Variants in SPATS2L observed in about 807,000 individuals in gnomAD.
The protein encoded by SPATS2L is SPATS2-like protein.
Under a neutral mutation model 59.6 loss-of-function variants are expected in SPATS2L, and 30 were observed. That is an observed-to-expected ratio of 0.50 (90% CI 0.38 to 0.68). The LOEUF is 0.68. Ranked by LOEUF, SPATS2L falls within the 30% of genes least tolerant of loss-of-function variation. The probability of loss-of-function intolerance (pLI) is 0.00; values close to 1 mark genes in which losing one functional copy is unlikely to be tolerated. For missense variants in SPATS2L, 615 were observed against 700.0 expected (o/e 0.88, Z 1.37); for synonymous variants, 252 against 263.5 (o/e 0.96, Z 0.42).
chr2:200,318,138 T>A (rs1410062061), intron 1 of SPATS2L, among the ~76,000 whole-genome samples: 1 of 152,244 alleles, frequency 6.6e-6, no homozygotes, highest in African/African-American at 2.4e-5. Context: ...TCTCACATAC[T>A]GCCCTGATCG....
At chr2:200,400,724 A>G (rs1036635898) in intron 3 of SPATS2L, among the ~76,000 whole-genome samples, 4 of 152,228 alleles carry the variant, frequency 2.6e-5, no homozygotes, top group Non-Finnish European at 5.9e-5. Context: ...CTTACTCTAT[A>G]AGTCATCAGC....
At chr2:200,381,804 G>T (rs374573910) in intron 2 of SPATS2L, among the ~76,000 whole-genome samples, 3 of 152,094 alleles carry the variant, frequency 2.0e-5, no homozygotes, top group African/African-American at 7.2e-5. Flanking sequence ...TAGGATCTAC[G>T]TGATCATAGT....
chr2:200,412,232 C>G, intron 3 of SPATS2L, 79 bp from the exon 4 acceptor site: 1 of 824,420 alleles, frequency 1.2e-6, no homozygotes, highest in Non-Finnish European at 1.8e-6. Flanking sequence ...AGTTGTAATT[C>G]TATCCAGTGG....
intron 3 of SPATS2L, among the ~76,000 whole-genome samples, chr2:200,410,922 C>G (rs1159414272): frequency 6.6e-6 from 1 of 151,498 alleles, no homozygotes; most frequent in African/African-American, 2.4e-5. Flanking sequence ...GATTTGAAGA[C>G]GTTAATTTGT....
At chr2:200,396,067 T>TATATA (rs1491208283) in intron 3 of SPATS2L, among the ~76,000 whole-genome samples, 4 of 27,264 alleles carry the variant, frequency 1.5e-4, no homozygotes, top group African/African-American at 2.2e-4. Flanking sequence ...TATATATATA[T>TATATA]TTTCCCATAG....
chr2:200,403,704 A>G (rs900208853), intron 3 of SPATS2L, among the ~76,000 whole-genome samples: 44 of 152,288 alleles, frequency 2.9e-4, no homozygotes, highest in African/African-American at 9.4e-4. Context: ...GTTTGTAACT[A>G]TGGATGATTG....
In SPATS2L at chr2:200,414,585, GCAC is replaced by G. The variant is rs781744910; in HGVS notation, c.149-1790_149-1788del. On this transcript the variant is annotated intron_variant, in intron 4 of 12. Transcript: ENST00000409140. Reference sequence around the variant, plus strand: ...GTCGAGGCTGCAGTGAGCCATGTTTGCACCACTGCACTCCAGCCTGGGCAACAG... The same window carrying G: ...GTCGAGGCTGCAGTGAGCCATGTTTGCACTGCACTCCAGCCTGGGCAACAG... Among the ~76,000 whole-genome samples, 169 of 151,844 alleles carry G rather than the reference GCAC, an allele frequency of 1.1e-3. 1 individual carries two copies. The highest frequency in any genetic ancestry group is 0.011 in the Admixed American group (167 of 15,240).
chr2:200,478,487 A>G lies in SPATS2L; in HGVS notation c.*456A>G, dbSNP rs950856951. ...TGTTTTTCTGAAAAAATATATATAC[A>G]TATATTGCTTTATTTGAAACAAATT... On this transcript the variant is annotated 3_prime_UTR_variant, in exon 13 of 13. Coordinates refer to ENST00000409140, the MANE Select transcript of SPATS2L (RefSeq NM_001100423.2). 1 of 153,002 alleles carries G rather than the reference A, an allele frequency of 6.5e-6. No individual in the cohort carries two copies. Among genetic ancestry groups the G allele is most frequent in the Non-Finnish European group, 1.5e-5 (1 of 68,346 alleles). The allele number at this position is 153,002 out of a possible 1,614,324, so 9.5% of individuals were successfully genotyped here. A position where few individuals can be genotyped will look rare whatever the true frequency, so the allele number is the denominator to read the frequency against.
At position 200,477,757 on chromosome 2, in the gene SPATS2L, G is replaced by A. The variant is rs567244924; in HGVS notation, c.1403G>A (p.Arg468His). 9 of 1,580,854 alleles carry A rather than the reference G, an allele frequency of 5.7e-6. No homozygotes were observed. Among genetic ancestry groups the A allele is most frequent in the African/African-American group, 4.0e-5 (3 of 74,184 alleles). The change falls in exon 13 of 13, where the codon CGC (arginine) becomes CAC (histidine). Residue 468 changes from arginine (R) to histidine (H), a missense_variant. By Grantham distance (29) the Arg-to-His change is conservative. Coordinates refer to ENST00000409140, the MANE Select transcript of SPATS2L (RefSeq NM_001100423.2). Reference sequence around the variant, plus strand: ...GAGCCACTGGGAAAGGGCAACAGCCGCCACGAACACAGAAGACAGCCGCAC... The same window carrying A: ...GAGCCACTGGGAAAGGGCAACAGCCACCACGAACACAGAAGACAGCCGCAC... Reference protein sequence around the residue: ...EAEPLGKGNSRHEHRRQPHNG... With the variant: ...EAEPLGKGNSHHEHRRQPHNG...
chr2:200,441,474 A>G (rs527765198), intron 8 of SPATS2L, among the ~76,000 whole-genome samples: 7 of 152,118 alleles, frequency 4.6e-5, no homozygotes, highest in Non-Finnish European at 8.8e-5. Context: ...TAAAGACAAA[A>G]GAGAATTTAT....
intron 2 of SPATS2L, among the ~76,000 whole-genome samples, chr2:200,365,961 T>C (rs1451350050): frequency 6.6e-6 from 1 of 152,228 alleles, no homozygotes; most frequent in Non-Finnish European, 1.5e-5. Context: ...TAAAATTTTC[T>C]TGAATGAGTA....
intron 3 of SPATS2L, among the ~76,000 whole-genome samples, chr2:200,404,878 G>A (rs1014593150): frequency 7.2e-5 from 11 of 152,052 alleles, no homozygotes; most frequent in African/African-American, 1.2e-4. Context: ...CGGAGAGGCT[G>A]GCCAAGCCTT....
chr2:200,343,341 T>C (rs1405169781), intron 2 of SPATS2L, among the ~76,000 whole-genome samples: 1 of 152,172 alleles, frequency 6.6e-6, no homozygotes, highest in Non-Finnish European at 1.5e-5. Context: ...TAATATAAAA[T>C]CACCTAATCG....
intron 1 of SPATS2L, among the ~76,000 whole-genome samples, chr2:200,309,969 T>C (rs1216270799): frequency 6.6e-6 from 1 of 152,226 alleles, no homozygotes; most frequent in Non-Finnish European, 1.5e-5. Flanking sequence ...CTTATGAAGA[T>C]ATATTTCTCT....
chr2:200,470,874 C>T (rs1338483803), intron 11 of SPATS2L, among the ~76,000 whole-genome samples: 1 of 152,094 alleles, frequency 6.6e-6, no homozygotes, highest in Non-Finnish European at 1.5e-5. Context: ...ATAGATGTCA[C>T]CGGTCTTCTG....
intron 3 of SPATS2L, among the ~76,000 whole-genome samples, chr2:200,392,591 A>G (rs919703921): frequency 2.6e-5 from 4 of 152,204 alleles, no homozygotes; most frequent in Non-Finnish European, 4.4e-5. Context: ...TCCAAAAGCC[A>G]TAGGTACTCA....
At chr2:200,470,374 C>T (rs947015797) in intron 11 of SPATS2L, among the ~76,000 whole-genome samples, 1 of 152,208 alleles carries the variant, frequency 6.6e-6, no homozygotes, top group Non-Finnish European at 1.5e-5. Flanking sequence ...GTCTTCCTAA[C>T]ATGTCTGGGA....
chr2:200,449,367 G>A (rs563522624), intron 8 of SPATS2L, among the ~76,000 whole-genome samples: 39 of 152,332 alleles, frequency 2.6e-4, no homozygotes, highest in African/African-American at 7.2e-4. Context: ...AGCTACACGT[G>A]TGGATTACCT....
intron 5 of SPATS2L, among the ~76,000 whole-genome samples, chr2:200,417,791 T>G (rs1276972125): frequency 6.6e-6 from 1 of 152,194 alleles, no homozygotes; most frequent in Non-Finnish European, 1.5e-5. Flanking sequence ...AAACTGTTTA[T>G]TTTTACTTCT....
Sources: gnomAD v4.1 joint callset for allele counts (sites outside exome capture counted in the v4.1 genomes callset) on GRCh38, gnomAD v4.1.1 for gene constraint, MANE v1.5 for transcripts, NCBI Gene and HGNC (gene_info 2026-07-23, HGNC 2026-07-21) for gene names.